DAAM1: variants seen among roughly 807,000 people sequenced by gnomAD.
DAAM1 encodes the protein disheveled-associated activator of morphogenesis 1.
DAAM1 carries 52 observed loss-of-function variants against 130.0 expected under a neutral mutation model. The ratio of observed to expected loss-of-function variants is 0.40; its 90% confidence interval spans 0.32 to 0.50. The LOEUF (loss-of-function observed/expected upper bound fraction) is 0.50. Among genes scored for constraint, DAAM1 ranks in the 20% least tolerant of loss-of-function variants. The probability of loss-of-function intolerance (pLI) is 0.61; values close to 1 mark genes in which losing one functional copy is unlikely to be tolerated. For missense variants in DAAM1, 1,134 were observed against 1,303.8 expected (o/e 0.87, Z 2.01); for synonymous variants, 452 against 444.5 (o/e 1.02, Z -0.21).
At chr14:59,214,967 G>A (rs139641274) in intron 1 of DAAM1, among the ~76,000 whole-genome samples, 1 of 152,332 alleles carries the variant, frequency 6.6e-6, no homozygotes, top group African/African-American at 2.4e-5. Flanking sequence ...CCAGCAATGA[G>A]TGAAAGTTCA....
Position 59,331,652 on chromosome 14 carries a change from G to C in DAAM1, c.1860+144G>C, listed in dbSNP as rs1272795592. 7 of 1,501,052 alleles carry C rather than the reference G, an allele frequency of 4.7e-6. No homozygotes were observed. In the East Asian group the frequency reaches 1.6e-4, roughly 34 times the overall value. 93.0% of individuals were successfully genotyped at this position (1,501,052 alleles called of 1,614,324 possible). A position where few individuals can be genotyped will look rare whatever the true frequency, so the allele number is the denominator to read the frequency against. On this transcript the variant is annotated intron_variant, in intron 14 of 24. Coordinates refer to ENST00000360909, the MANE Select transcript of DAAM1 (RefSeq NM_001270520.2). ...AGTTCTCACTAGCTCAGATATTTAA[G>C]TGATAAAGCTTCTGAAATAAATGAC...
chr14:59,361,250 A>T (rs12590850), intron 22 of DAAM1, among the ~76,000 whole-genome samples: 103,962 of 152,078 alleles, frequency 0.68, 36,232 homozygotes, highest in East Asian at 0.85. Flanking sequence ...AGAACTTCTC[A>T]GTTGTTTTTG....
At chr14:59,341,872 A>G (rs1221176596) in intron 16 of DAAM1, among the ~76,000 whole-genome samples, 1 of 152,146 alleles carries the variant, frequency 6.6e-6, no homozygotes, top group Non-Finnish European at 1.5e-5. Flanking sequence ...TGGTGAAGGG[A>G]GCTGTCACAG....
intron 12 of DAAM1, 57 bp downstream of exon 12, chr14:59,327,048 T>G (rs1885231088): frequency 6.3e-7 from 1 of 1,588,032 alleles, no homozygotes; most frequent in Non-Finnish European, 8.6e-7. Context: ...TGACCTTGAT[T>G]TCCATATATT....
At chr14:59,271,547 T>G (rs1283634067) in intron 2 of DAAM1, among the ~76,000 whole-genome samples, 1 of 152,180 alleles carries the variant, frequency 6.6e-6, no homozygotes, top group Non-Finnish European at 1.5e-5. Context: ...CAAGGTAAGT[T>G]GTGCCAAATG....
intron 12 of DAAM1, among the ~76,000 whole-genome samples, chr14:59,328,391 G>C (rs945390488): frequency 2.0e-5 from 3 of 152,240 alleles, no homozygotes; most frequent in Non-Finnish European, 4.4e-5. Context: ...TAGTCAATGA[G>C]TGGATATTTT....
intron 18 of DAAM1, among the ~76,000 whole-genome samples, chr14:59,353,575 G>A (rs977626520): frequency 1.3e-5 from 2 of 152,124 alleles, no homozygotes; most frequent in Admixed American, 6.5e-5. Flanking sequence ...GGAGAGATGC[G>A]CTTCAGTCAA....
intron 3 of DAAM1, among the ~76,000 whole-genome samples, chr14:59,302,755 G>C (rs1884221866): frequency 6.6e-6 from 1 of 152,204 alleles, no homozygotes; most frequent in Admixed American, 6.5e-5. Context: ...CCAGGTTCAT[G>C]TAATTCTCCT....
intron 1 of DAAM1, among the ~76,000 whole-genome samples, chr14:59,191,417 T>C (rs1339225870): frequency 1.3e-5 from 2 of 152,048 alleles, no homozygotes; most frequent in Non-Finnish European, 2.9e-5. Context: ...GTTTGTTCAT[T>C]TGTAGGTCTT....
chr14:59,288,789 A>G (rs970617400), intron 2 of DAAM1, among the ~76,000 whole-genome samples: 4 of 150,692 alleles, frequency 2.7e-5, no homozygotes, highest in South Asian at 2.1e-4. Flanking sequence ...GAAACTTACA[A>G]TCATGGCAGA....
At position 59,370,437 on chromosome 14, in the gene DAAM1, A is replaced by G. The variant is rs1887121361; in HGVS notation, c.*1578A>G. The G allele has an allele frequency of 6.6e-6, 1 of 152,066 alleles. No homozygotes were observed. Among genetic ancestry groups the G allele is most frequent in the Non-Finnish European group, 1.5e-5 (1 of 67,980 alleles). 9.4% of individuals were successfully genotyped at this position (152,066 alleles called of 1,614,324 possible). On this transcript the variant is annotated 3_prime_UTR_variant, in exon 25 of 25. Coordinates refer to ENST00000360909, the MANE Select transcript of DAAM1 (RefSeq NM_001270520.2). The stretch of plus-strand genomic sequence containing the variant: ...TTCTAATGGGGATATTAAGGGATGA[A>G]TAGAATACCAATGTGTGCACTGTAC...
At chr14:59,214,175 G>A (rs74965015) in intron 1 of DAAM1, among the ~76,000 whole-genome samples, 1,950 of 152,332 alleles carry the variant, frequency 0.013, 25 homozygotes, top group Admixed American at 0.042. Flanking sequence ...ACTGGAGCAG[G>A]TGTCTGGTGA....
intron 15 of DAAM1, among the ~76,000 whole-genome samples, chr14:59,339,155 ACT>A (rs1254188540): frequency 1.3e-5 from 2 of 152,162 alleles, no homozygotes; most frequent in Non-Finnish European, 2.9e-5. Context: ...AAATGAGGAA[ACT>A]CTGTAGGTAA....
intron 1 of DAAM1, among the ~76,000 whole-genome samples, chr14:59,261,209 T>C (rs1054615517): frequency 1.3e-5 from 2 of 152,180 alleles, no homozygotes; most frequent in African/African-American, 4.8e-5. Flanking sequence ...GTTTTCCATA[T>C]TCTGTCAAAA....
At chr14:59,273,501 C>G (rs1882817929) in intron 2 of DAAM1, among the ~76,000 whole-genome samples, 1 of 152,120 alleles carries the variant, frequency 6.6e-6, no homozygotes, top group African/African-American at 2.4e-5. Context: ...GCTATGGATC[C>G]TCTTGGTCCT....
At chr14:59,326,904 T>A in intron 11 of DAAM1, 29 bp from the exon 12 acceptor site, 2 of 1,612,622 alleles carry the variant, frequency 1.2e-6, no homozygotes, top group Non-Finnish European at 1.7e-6. Flanking sequence ...ATATTTTTTG[T>A]AATAAATGCT....
intron 1 of DAAM1, among the ~76,000 whole-genome samples, chr14:59,219,546 T>A (rs1424455392): frequency 6.6e-6 from 1 of 152,284 alleles, no homozygotes; most frequent in Non-Finnish European, 1.5e-5. Flanking sequence ...TGCTTATAAT[T>A]GGTGGTGCTT....
intron 15 of DAAM1, among the ~76,000 whole-genome samples, chr14:59,339,175 G>T (rs1038330548): frequency 1.2e-4 from 19 of 152,194 alleles, no homozygotes; most frequent in African/African-American, 4.3e-4. Context: ...TAAGTTGAAT[G>T]AATAATTCAG....
rs1170449662 is a variant in DAAM1 at position 59,203,790 on chromosome 14, G to A, written c.-38+15022G>A. ...GTGATGCCTTTGGCTTGGTCACAAC[G>A]TGCTTTCAGTGTGTTCATTTGATTA... On this transcript the variant is annotated intron_variant, in intron 1 of 24. Transcript: ENST00000360909. Among the ~76,000 whole-genome samples the A allele has an allele frequency of 5.3e-5, 8 of 152,202 alleles. No homozygotes were observed. In the East Asian group the frequency reaches 1.2e-3, roughly 22 times the overall value.
Sources: gnomAD v4.1 joint callset for allele counts (sites outside exome capture counted in the v4.1 genomes callset) on GRCh38, gnomAD v4.1.1 for gene constraint, MANE v1.5 for transcripts, NCBI Gene and HGNC (gene_info 2026-07-23, HGNC 2026-07-21) for gene names.